The following MPPED1 variants were observed in gnomAD, a reference collection of about 807,000 sequenced individuals.
MPPED1 encodes the protein metallophosphoesterase domain containing 1.
Under a neutral mutation model 36.2 loss-of-function variants are expected in MPPED1, and 16 were observed. The observed-to-expected ratio is 0.44, with a 90% confidence interval of 0.30 to 0.67. The LOEUF (loss-of-function observed/expected upper bound fraction) is 0.67, where lower values mean the gene tolerates loss of function less well. Ranked by LOEUF, MPPED1 falls within the 30% of genes least tolerant of loss-of-function variation. The pLI is 0.10. For missense variants in MPPED1, 307 were observed against 453.4 expected (o/e 0.68, Z 2.93); for synonymous variants, 199 against 191.3 (o/e 1.04, Z -0.33).
rs1427860264 is a variant in MPPED1, at chr22:43,433,442, GTGAA to G, written c.225-1588_225-1585del. Reference sequence around the variant, plus strand: ...AGGATGTATTGTATTCAGTGAATGAGTGAATGAGTGAGTGAATGAGTGAATGGAG... The same window carrying G: ...AGGATGTATTGTATTCAGTGAATGAGTGAGTGAGTGAATGAGTGAATGGAG... On this transcript the variant is annotated intron_variant, in intron 2 of 6. Coordinates refer to ENST00000443721, the MANE Select transcript of MPPED1 (RefSeq NM_001044370.2). Among the ~76,000 whole-genome samples the G allele has an allele frequency of 1.5e-3, 50 of 33,186 alleles. 1 individual carries two copies. In the South Asian group the frequency reaches 0.038, roughly 25 times the overall value. The allele number at this position is 33,186 out of a possible 152,430, so 21.8% of individuals were successfully genotyped here. A position where few individuals can be genotyped will look rare whatever the true frequency, so the allele number is the denominator to read the frequency against.
chr22:43,504,735 A>G (rs532850019), intron 6 of MPPED1, among the ~76,000 whole-genome samples: 2 of 150,276 alleles, frequency 1.3e-5, no homozygotes, highest in African/African-American at 4.9e-5. Flanking sequence ...TGATAATAGG[A>G]GCAGTGGTGA....
intron 3 of MPPED1, among the ~76,000 whole-genome samples, chr22:43,457,684 G>C (rs913628833): frequency 1.3e-5 from 2 of 151,884 alleles, no homozygotes; most frequent in Non-Finnish European, 2.9e-5. Context: ...AATTGTATTA[G>C]TTGTTGCCCT....
At chr22:43,445,852 G>A (rs1306983809) in intron 3 of MPPED1, among the ~76,000 whole-genome samples, 1 of 147,452 alleles carries the variant, frequency 6.8e-6, no homozygotes, top group African/African-American at 2.5e-5. Flanking sequence ...TTACAGGCAT[G>A]AGCCACTGTG....
intron 3 of MPPED1, among the ~76,000 whole-genome samples, chr22:43,464,709 C>A (rs1046454264): frequency 2.6e-5 from 4 of 152,248 alleles, no homozygotes; most frequent in African/African-American, 9.6e-5. Flanking sequence ...TCCTTGAGAC[C>A]CCCTGGGACT....
In MPPED1 at chr22:43,490,092, G is replaced by A. The variant is rs1458434632; in HGVS notation, c.633-8143G>A. Among the ~76,000 whole-genome samples the A allele has an allele frequency of 4.6e-5, 7 of 152,322 alleles. No homozygotes were observed. The East Asian group carries it at 5.8e-4, about 13-fold the overall frequency. The stretch of plus-strand genomic sequence containing the variant: ...AGCCAGGGGCAGAACTGGGGTGTCC[G>A]ATGCCCACTTCAGTGCCCTTTCTAC... On this transcript the variant is annotated intron_variant, in intron 4 of 6. Coordinates refer to ENST00000443721, the MANE Select transcript of MPPED1 (RefSeq NM_001044370.2).
intron 3 of MPPED1, among the ~76,000 whole-genome samples, chr22:43,472,041 T>C (rs1338632218): frequency 6.6e-6 from 1 of 152,088 alleles, no homozygotes; most frequent in East Asian, 1.9e-4. Flanking sequence ...ATGAATGAAG[T>C]GGACTGGGTG....
chr22:43,450,745 A>G (rs1930534879), intron 3 of MPPED1, among the ~76,000 whole-genome samples: 1 of 151,400 alleles, frequency 6.6e-6, no homozygotes, highest in Non-Finnish European at 1.5e-5. Flanking sequence ...TTCTTTTTTG[A>G]GTCAGAGTTT....
chr22:43,451,918 C>T (rs1305653598), intron 3 of MPPED1, among the ~76,000 whole-genome samples: 1 of 152,196 alleles, frequency 6.6e-6, no homozygotes, highest in African/African-American at 2.4e-5. Context: ...TGGGCTGCTC[C>T]TGCCGGAGTG....
At chr22:43,455,709 G>T (rs752887749) in intron 3 of MPPED1, among the ~76,000 whole-genome samples, 1 of 152,182 alleles carries the variant, frequency 6.6e-6, no homozygotes, top group East Asian at 1.9e-4. Context: ...TAACTACTCA[G>T]TGTAATTTCT....
intron 6 of MPPED1, among the ~76,000 whole-genome samples, chr22:43,503,728 C>T (rs904109525): frequency 1.3e-5 from 2 of 152,136 alleles, no homozygotes; most frequent in African/African-American, 4.8e-5. Context: ...GGGCAGCTCA[C>T]GTGCTGTGGG....
At chr22:43,458,112 T>C (rs1242459740) in intron 3 of MPPED1, among the ~76,000 whole-genome samples, 1 of 152,210 alleles carries the variant, frequency 6.6e-6, no homozygotes, top group Non-Finnish European at 1.5e-5. Flanking sequence ...GTAGGCTGTA[T>C]GATCTAGGTT....
chr22:43,424,795 G>GT (rs1213413335), intron 1 of MPPED1, 113 bp from the exon 2 acceptor site: 1,552 of 1,311,618 alleles, frequency 1.2e-3, no homozygotes, highest in South Asian at 1.6e-3. Context: ...GTACGACTGT[G>GT]TTTTTTTTTC....
rs375022747 is a variant in MPPED1 at position 43,448,874 on chromosome 22, C to G, written c.406+13659C>G. Among the ~76,000 whole-genome samples, 5 of 152,284 alleles carry G rather than the reference C, an allele frequency of 3.3e-5. No individual in the cohort carries two copies. In the East Asian group the frequency reaches 9.7e-4, roughly 29 times the overall value. On this transcript the variant is annotated intron_variant, in intron 3 of 6. Coordinates refer to ENST00000443721, the MANE Select transcript of MPPED1 (RefSeq NM_001044370.2). ...TTGGGCTCCCGAAGTGCTGGGATTA[C>G]AGGCGTGAGCCACCAGCCCTACATT...
intron 4 of MPPED1, among the ~76,000 whole-genome samples, chr22:43,475,937 GGTGATGAT>G (rs1289805858): frequency 6.6e-6 from 1 of 151,232 alleles, no homozygotes; most frequent in Non-Finnish European, 1.5e-5. Context: ...ATGGTGGTAT[GGTGATGAT>G]GTGATGATGG....
intron 3 of MPPED1, among the ~76,000 whole-genome samples, chr22:43,455,294 G>C (rs1930716373): frequency 6.6e-6 from 1 of 151,898 alleles, no homozygotes; most frequent in African/African-American, 2.4e-5. Flanking sequence ...ATTTTTAGTA[G>C]AGATGGGGTT....
At chr22:43,413,753 G>C (rs1258043388) in intron 1 of MPPED1, among the ~76,000 whole-genome samples, 1 of 152,230 alleles carries the variant, frequency 6.6e-6, no homozygotes, top group East Asian at 1.9e-4. Context: ...TCGGTGGAAT[G>C]GTTCCATCGA....
At chr22:43,436,064 T>C (rs1280563692) in intron 3 of MPPED1, among the ~76,000 whole-genome samples, 2 of 152,198 alleles carry the variant, frequency 1.3e-5, no homozygotes, top group African/African-American at 4.8e-5. Context: ...TGCGCCATGG[T>C]GGGTGATGAC....
intron 3 of MPPED1, among the ~76,000 whole-genome samples, chr22:43,459,042 G>T (rs1930853158): frequency 6.6e-6 from 1 of 151,528 alleles, no homozygotes; most frequent in South Asian, 2.1e-4. Context: ...TCAAATTTGG[G>T]GAGGTTTTGC....
intron 4 of MPPED1, among the ~76,000 whole-genome samples, chr22:43,481,925 G>T (rs1447999006): frequency 1.3e-5 from 2 of 152,186 alleles, no homozygotes; most frequent in African/African-American, 4.8e-5. Context: ...GTTCAGGCAA[G>T]AAGGGATGAA....
Sources: allele counts gnomAD v4.1 joint callset (sites outside exome capture counted in the v4.1 genomes callset), GRCh38; gene constraint gnomAD v4.1.1; transcripts MANE v1.5; gene names NCBI Gene and HGNC (gene_info 2026-07-23, HGNC 2026-07-21).